Variants in MAP7 observed in about 807,000 individuals in gnomAD.
MAP7 encodes the protein ensconsin.
Under a neutral mutation model 94.8 loss-of-function variants are expected in MAP7, and 52 were observed. The ratio of observed to expected loss-of-function variants is 0.55; its 90% CI spans 0.44 to 0.69. The LOEUF is 0.69. Ranked by LOEUF, MAP7 falls within the 30% of genes least tolerant of loss-of-function variation. The probability of loss-of-function intolerance (pLI) is 0.00; values close to 1 mark genes in which losing one functional copy is unlikely to be tolerated. For synonymous variants in MAP7, 350 were observed against 357.0 expected (o/e 0.98, Z 0.22); for missense variants, 940 against 964.6 (o/e 0.97, Z 0.34).
intron 16 of MAP7, among the ~76,000 whole-genome samples, chr6:136,353,680 A>T (rs1173021120): frequency 2.0e-5 from 3 of 152,042 alleles, no homozygotes; most frequent in African/African-American, 7.3e-5. Context: ...CAGCCCCCCA[A>T]GTAGCTGGGA....
At chr6:136,451,672 C>G (rs900618810) in intron 1 of MAP7, among the ~76,000 whole-genome samples, 2 of 152,128 alleles carry the variant, frequency 1.3e-5, no homozygotes, top group East Asian at 1.9e-4. Flanking sequence ...AATTAAAAAC[C>G]TTCTGGAAAG....
intron 1 of MAP7, among the ~76,000 whole-genome samples, chr6:136,466,517 G>A (rs533172375): frequency 6.6e-6 from 1 of 151,874 alleles, no homozygotes; most frequent in Non-Finnish European, 1.5e-5. Context: ...AACGGCTCTA[G>A]GACATGAAGG....
intron 1 of MAP7, among the ~76,000 whole-genome samples, chr6:136,489,311 GA>G (rs914026984): frequency 6.6e-6 from 1 of 151,386 alleles, no homozygotes; most frequent in Non-Finnish European, 1.5e-5. Context: ...TCCTCAGCTA[GA>G]AAAAAAAGTA....
chr6:136,536,115 A>G (rs189245355), intron 1 of MAP7, among the ~76,000 whole-genome samples: 1 of 152,336 alleles, frequency 6.6e-6, no homozygotes, highest in African/African-American at 2.4e-5. Context: ...CGTGGTGTAT[A>G]TGTGCCTCTT....
chr6:136,417,661 A>G (rs1582852726), intron 2 of MAP7, among the ~76,000 whole-genome samples: 1 of 152,304 alleles, frequency 6.6e-6, no homozygotes. Context: ...AGAGAAATAG[A>G]TATGACTAAT....
chr6:136,514,876 A>G (rs1245893068), intron 1 of MAP7, among the ~76,000 whole-genome samples: 1 of 152,204 alleles, frequency 6.6e-6, no homozygotes, highest in Non-Finnish European at 1.5e-5. Context: ...TTCAACTCCA[A>G]GTCAATGATT....
intron 11 of MAP7, among the ~76,000 whole-genome samples, 158 bp from the exon 12 acceptor site, chr6:136,361,337 G>A (rs974383364): frequency 1.3e-5 from 2 of 152,192 alleles, no homozygotes; most frequent in Non-Finnish European, 2.9e-5. Context: ...AAAGCGCGAA[G>A]CCACCCTTAG....
chr6:136,420,144 T>TACC (rs1790822102), intron 2 of MAP7: 3 of 897,028 alleles, frequency 3.3e-6, no homozygotes, highest in Non-Finnish European at 5.7e-6. Context: ...AAGAAGAAAG[T>TACC]ATTTTTGGCA....
At position 136,496,804 on chromosome 6, in the gene MAP7, A is replaced by AAT. The variant is rs1562462951; in HGVS notation, c.67+53537_67+53538insAT. On this transcript the variant is annotated intron_variant, in intron 1 of 17. Transcript: ENST00000354570. ...AAAAAAAAAAAAAAAAAAAAAAAAAATTAGCTAGGAGTGGTGGCACATGCC... is the reference window on the plus strand; with the variant it reads ...AAAAAAAAAAAAAAAAAAAAAAAAAAATTTAGCTAGGAGTGGTGGCACATGCC... Among the ~76,000 whole-genome samples, 6 of 145,512 alleles carry AAT rather than the reference A, an allele frequency of 4.1e-5. 1 individual carries two copies. Among genetic ancestry groups the AAT allele is most frequent in the African/African-American group, 1.3e-4 (5 of 38,096 alleles).
chr6:136,474,425 T>C (rs1341600418), intron 1 of MAP7, among the ~76,000 whole-genome samples: 1 of 152,104 alleles, frequency 6.6e-6, no homozygotes, highest in Non-Finnish European at 1.5e-5. Flanking sequence ...AGAGAGCAGA[T>C]GACGTCTGGA....
At chr6:136,489,526 CTTTTTTTTT>C (rs1164047042) in intron 1 of MAP7, among the ~76,000 whole-genome samples, 2 of 102,988 alleles carry the variant, frequency 1.9e-5, no homozygotes, top group African/African-American at 3.7e-5. Flanking sequence ...CATCAGGTTT[CTTTTTTTTT>C]TTTTTTTTTT....
At chr6:136,500,584 A>G (rs1211466520) in intron 1 of MAP7, among the ~76,000 whole-genome samples, 2 of 152,216 alleles carry the variant, frequency 1.3e-5, no homozygotes, top group East Asian at 3.8e-4. Flanking sequence ...TAGACATACT[A>G]TCGTCCTCTA....
At chr6:136,412,128 T>G (rs1787678249) in intron 2 of MAP7, among the ~76,000 whole-genome samples, 1 of 152,232 alleles carries the variant, frequency 6.6e-6, no homozygotes, top group Non-Finnish European at 1.5e-5. Flanking sequence ...ATTCAGTTTC[T>G]GCCCCGTCAC....
At chr6:136,415,263 A>AT (rs926321588) in intron 2 of MAP7, among the ~76,000 whole-genome samples, 2 of 152,316 alleles carry the variant, frequency 1.3e-5, no homozygotes, top group Non-Finnish European at 2.9e-5. Context: ...AAAAACTTTT[A>AT]TTTAATTATA....
At chr6:136,505,721 T>A (rs969524214) in intron 1 of MAP7, among the ~76,000 whole-genome samples, 2 of 151,938 alleles carry the variant, frequency 1.3e-5, no homozygotes, top group Non-Finnish European at 2.9e-5. Context: ...ACAACACCCG[T>A]GACACAAGTT....
intron 1 of MAP7, among the ~76,000 whole-genome samples, chr6:136,445,691 CTTG>C (rs1239159570): frequency 6.6e-6 from 1 of 152,160 alleles, no homozygotes; most frequent in Non-Finnish European, 1.5e-5. Flanking sequence ...AGATCTTGAA[CTTG>C]TTGTCACTCA....
chr6:136,409,801 G>T (rs1314183792), intron 3 of MAP7, among the ~76,000 whole-genome samples: 1 of 152,208 alleles, frequency 6.6e-6, no homozygotes, highest in Non-Finnish European at 1.5e-5. Context: ...AGAGGGCTGG[G>T]TGTCAACCTT....
At chr6:136,491,901 C>T (rs1816723622) in intron 1 of MAP7, among the ~76,000 whole-genome samples, 1 of 152,152 alleles carries the variant, frequency 6.6e-6, no homozygotes, top group African/African-American at 2.4e-5. Flanking sequence ...AACAAATAGT[C>T]ACCCAGAGCT....
chr6:136,513,583 T>C (rs1323383576), intron 1 of MAP7, among the ~76,000 whole-genome samples: 1 of 152,106 alleles, frequency 6.6e-6, no homozygotes, highest in Non-Finnish European at 1.5e-5. Context: ...AAGGTTGGGG[T>C]CAACTGCTTA....
Sources: gnomAD v4.1 joint callset for allele counts (sites outside exome capture counted in the v4.1 genomes callset) on GRCh38, gnomAD v4.1.1 for gene constraint, MANE v1.5 for transcripts, NCBI Gene and HGNC (gene_info 2026-07-23, HGNC 2026-07-21) for gene names.